JAK1: variants seen among roughly 807,000 people sequenced by gnomAD.
The protein encoded by JAK1 is Janus kinase 1.
Under a neutral mutation model 136.6 loss-of-function variants are expected in JAK1, and 16 were observed. The ratio of observed to expected loss-of-function variants is 0.12; its 90% confidence interval spans 0.08 to 0.18. The LOEUF (loss-of-function observed/expected upper bound fraction) is 0.18. Ranked by LOEUF, JAK1 falls within the 10% of genes least tolerant of loss-of-function variation. The pLI is 1.00. For missense variants in JAK1, 859 were observed against 1,450.1 expected, an observed-to-expected ratio of 0.59 and a Z score of 6.62; for synonymous variants, 492 against 519.5, an observed-to-expected ratio of 0.95 and a Z score of 0.72.
intron 6 of JAK1, among the ~76,000 whole-genome samples, chr1:64,867,660 T>C (rs1034517900): frequency 6.6e-6 from 1 of 152,256 alleles, no homozygotes; most frequent in African/African-American, 2.4e-5. Flanking sequence ...GTCTGATTTA[T>C]AACTTTTCTA....
chr1:65,054,987 G>C (rs1557777759), intron 1 of JAK1, among the ~76,000 whole-genome samples: 1 of 152,174 alleles, frequency 6.6e-6, no homozygotes, highest in African/African-American at 2.4e-5. Context: ...TTGGCTTCAA[G>C]AGGGTTATTA....
chr1:64,976,617 A>G lies in JAK1; in HGVS notation c.-78+67863T>C, dbSNP rs945302741. On this transcript the variant is annotated intron_variant, in intron 2 of 25. Coordinates refer to the JAK1 transcript ENST00000671954. ...GCCCTGCAGAGGAGGCTATTATTAT[A>G]CTTCTTAGTGACGCCAATGTCTCTC... Among the ~76,000 whole-genome samples the G allele has an allele frequency of 4.6e-5, 7 of 152,198 alleles. No homozygotes were observed. The East Asian group carries it at 1.4e-3, about 29-fold the overall frequency.
intron 1 of JAK1, among the ~76,000 whole-genome samples, chr1:65,052,056 C>G (rs963193874): frequency 1.3e-5 from 2 of 151,738 alleles, no homozygotes; most frequent in African/African-American, 2.4e-5. Context: ...CCTGGGCTCA[C>G]GCAATCCTGC....
At chr1:64,992,100 G>T (rs757204176) in intron 2 of JAK1, 1 of 152,116 alleles carries the variant, frequency 6.6e-6, no homozygotes, top group Non-Finnish European at 1.5e-5. Flanking sequence ...TGTGATTGTG[G>T]CCAGGCGCAT....
At chr1:64,962,846 T>C (rs553719487) in intron 1 of JAK1, among the ~76,000 whole-genome samples, 28 of 152,252 alleles carry the variant, frequency 1.8e-4, no homozygotes, top group African/African-American at 6.5e-4. Flanking sequence ...GGCAGGCGGA[T>C]CACTTGAGAT....
rs903756834 is a variant in JAK1 at position 64,855,495 on chromosome 1, A to G, written c.1648+14T>C. 1 of 1,612,484 alleles carries G rather than the reference A, an allele frequency of 6.2e-7. No homozygotes were observed. The highest frequency in any genetic ancestry group is 8.5e-7 in the Non-Finnish European group (1 of 1,179,074). ...TGATGGGATACAGCCTGGCTCTGGC[A>G]CAGGGAGACGAACCTCGGGGCTTGG... On this transcript the variant is annotated intron_variant, in intron 11 of 24. Coordinates refer to ENST00000342505, the MANE Select transcript of JAK1 (RefSeq NM_002227.4).
Position 64,849,597 on chromosome 1 carries a change from G to A in JAK1, c.1755+1207C>T, listed in dbSNP as rs7526531. On this transcript the variant is annotated intron_variant, in intron 12 of 24. Coordinates refer to ENST00000342505, the MANE Select transcript of JAK1 (RefSeq NM_002227.4). ...CATCCTGCTGTACTTCCCTACTTTG[G>A]AACTTGACTCTTGCTAACGTGATTA... Among the ~76,000 whole-genome samples, 394 of 152,336 alleles carry A rather than the reference G, an allele frequency of 2.6e-3. 3 individuals are homozygous for A. The highest frequency in any genetic ancestry group is 9.1e-3 in the African/African-American group (377 of 41,568).
chr1:64,865,937 T>A (rs755718758), intron 7 of JAK1, among the ~76,000 whole-genome samples: 1 of 152,096 alleles, frequency 6.6e-6, no homozygotes, highest in Non-Finnish European at 1.5e-5. Flanking sequence ...TTTTGGTATA[T>A]TTTGTAAAGA....
At chr1:64,838,838 C>G (rs1253112423) in intron 20 of JAK1, among the ~76,000 whole-genome samples, 2 of 152,154 alleles carry the variant, frequency 1.3e-5, no homozygotes, top group Non-Finnish European at 2.9e-5. Flanking sequence ...AAACCACAGG[C>G]AAATGACTGT....
chr1:65,024,660 C>CAAA (rs11349903), intron 2 of JAK1, among the ~76,000 whole-genome samples: 74 of 69,794 alleles, frequency 1.1e-3, no homozygotes, highest in East Asian at 1.5e-3. Context: ...TGGTCCAAAG[C>CAAA]AAAAAAAAAA....
At chr1:65,057,379 A>G (rs1441134173) in intron 1 of JAK1, among the ~76,000 whole-genome samples, 1 of 152,192 alleles carries the variant, frequency 6.6e-6, no homozygotes, top group East Asian at 1.9e-4. Flanking sequence ...CTAGAGTAAG[A>G]TGGAGGTTGA....
chr1:65,004,430 A>G (rs999724942), intron 2 of JAK1, among the ~76,000 whole-genome samples: 1 of 152,206 alleles, frequency 6.6e-6, no homozygotes, highest in Non-Finnish European at 1.5e-5. Context: ...AGTGACCATC[A>G]GGGTTGATCT....
intron 1 of JAK1, among the ~76,000 whole-genome samples, chr1:64,910,257 TGGAA>T (rs1224616947): frequency 2.0e-5 from 3 of 152,116 alleles, no homozygotes; most frequent in Non-Finnish European, 2.9e-5. Context: ...TCAAGGCTAG[TGGAA>T]AGTTATTTGT....
At chr1:64,968,999 A>G (rs1314531785), upstream of JAK1, among the ~76,000 whole-genome samples, 1 of 150,292 alleles carries the variant, frequency 6.7e-6, no homozygotes, top group Non-Finnish European at 1.5e-5. Context: ...ATTTCCGACT[A>G]CTTGGGAGGC....
intron 2 of JAK1, among the ~76,000 whole-genome samples, chr1:64,980,956 T>G (rs948924171): frequency 2.6e-5 from 4 of 152,242 alleles, no homozygotes; most frequent in African/African-American, 9.6e-5. Context: ...TGCCACATTT[T>G]CTTAATCCAG....
intron 2 of JAK1, among the ~76,000 whole-genome samples, chr1:65,030,840 C>T (rs2100813291): frequency 6.6e-6 from 1 of 152,080 alleles, no homozygotes; most frequent in Admixed American, 6.5e-5. Context: ...CCTCAGTGAC[C>T]AATTGTTTTT....
At chr1:64,905,946 A>G (rs923817424) in intron 1 of JAK1, among the ~76,000 whole-genome samples, 30 of 152,144 alleles carry the variant, frequency 2.0e-4, no homozygotes, top group Admixed American at 8.5e-4. Context: ...CTTTTTCTCT[A>G]TCTACTGAAG....
chr1:65,047,250 A>G (rs1647192662), intron 1 of JAK1, among the ~76,000 whole-genome samples: 1 of 152,168 alleles, frequency 6.6e-6, no homozygotes, highest in African/African-American at 2.4e-5. Context: ...ATGAATACTT[A>G]AAAACTGATT....
At chr1:64,891,751 A>G (rs1469728635) in intron 1 of JAK1, among the ~76,000 whole-genome samples, 1 of 152,260 alleles carries the variant, frequency 6.6e-6, no homozygotes, top group Non-Finnish European at 1.5e-5. Flanking sequence ...AGCCAAAAGG[A>G]CGACATCATA....
Sources: allele counts gnomAD v4.1 joint callset (sites outside exome capture counted in the v4.1 genomes callset), GRCh38; gene constraint gnomAD v4.1.1; transcripts MANE v1.5; gene names NCBI Gene and HGNC (gene_info 2026-07-23, HGNC 2026-07-21).